SLC44A5: variants seen among roughly 807,000 people sequenced by gnomAD.
SLC44A5 encodes the protein solute carrier family 44 member 5.
A neutral mutation model predicts 101.8 loss-of-function variants in SLC44A5; 57 were observed. That is an observed-to-expected ratio of 0.56 (90% CI 0.45 to 0.70). The LOEUF (loss-of-function observed/expected upper bound fraction) is 0.70. Ranked by LOEUF, SLC44A5 falls within the 30% of genes least tolerant of loss-of-function variation. SLC44A5 has a pLI of 0.00. For missense variants in SLC44A5, 737 were observed against 853.1 expected (o/e 0.86, Z 1.70); for synonymous variants, 281 against 290.9 (o/e 0.97, Z 0.35).
At chr1:75,406,552 T>C (rs1453465740) in intron 2 of SLC44A5, among the ~76,000 whole-genome samples, 1 of 152,158 alleles carries the variant, frequency 6.6e-6, no homozygotes, top group Admixed American at 6.6e-5. Context: ...TAAGGCTGGT[T>C]CAACATATGC....
chr1:75,412,450 T>G (rs907545759), intron 2 of SLC44A5, among the ~76,000 whole-genome samples: 1 of 152,146 alleles, frequency 6.6e-6, no homozygotes, highest in African/African-American at 2.4e-5. Context: ...AGAATCCTTC[T>G]CAATACAGCA....
At chr1:75,472,131 C>T (rs1444781740) in intron 2 of SLC44A5, among the ~76,000 whole-genome samples, 1 of 149,634 alleles carries the variant, frequency 6.7e-6, no homozygotes, top group Non-Finnish European at 1.5e-5. Flanking sequence ...TTCTTCTTCT[C>T]TCAAGCCACT....
At chr1:75,348,714 A>T (rs941354764) in intron 3 of SLC44A5, among the ~76,000 whole-genome samples, 1 of 152,230 alleles carries the variant, frequency 6.6e-6, no homozygotes, top group Admixed American at 6.5e-5. Context: ...ACAAGACACC[A>T]AGAAAGAACT....
intron 2 of SLC44A5, among the ~76,000 whole-genome samples, chr1:75,468,503 G>C (rs1269478690): frequency 6.6e-6 from 1 of 152,130 alleles, no homozygotes; most frequent in East Asian, 1.9e-4. Flanking sequence ...AAGAACTAGA[G>C]CCTGTCATAT....
chr1:75,545,498 C>G (rs943389796), intron 1 of SLC44A5, among the ~76,000 whole-genome samples: 1 of 152,112 alleles, frequency 6.6e-6, no homozygotes, highest in Non-Finnish European at 1.5e-5. Flanking sequence ...GCTTTTTCAG[C>G]AGGAATACTG....
At chr1:75,723,325 A>G in the SLC44A5 span, among the ~76,000 whole-genome samples, 1 of 152,112 alleles carries the variant, frequency 6.6e-6, no homozygotes, top group African/African-American at 2.4e-5. Flanking sequence ...CCCGTTCCCA[A>G]CATCAGTAAG....
the SLC44A5 span, among the ~76,000 whole-genome samples, chr1:75,650,657 C>T: frequency 6.6e-6 from 1 of 152,330 alleles, no homozygotes; most frequent in East Asian, 1.9e-4. Context: ...GCTCCTCAGA[C>T]AAATCTTCAG....
chr1:75,514,524 C>A (rs1022396550), intron 2 of SLC44A5, among the ~76,000 whole-genome samples: 1 of 152,178 alleles, frequency 6.6e-6, no homozygotes, highest in African/African-American at 2.4e-5. Flanking sequence ...TTTTTGGACT[C>A]CTTCCCTCTA....
intron 2 of SLC44A5, among the ~76,000 whole-genome samples, chr1:75,499,604 T>A (rs546785501): frequency 6.6e-6 from 1 of 152,240 alleles, no homozygotes; most frequent in African/African-American, 2.4e-5. Flanking sequence ...AATGCATAAC[T>A]GTATTTATAA....
chr1:75,466,901 C>T (rs114189911), intron 2 of SLC44A5, among the ~76,000 whole-genome samples: 2,744 of 152,052 alleles, frequency 0.018, 46 homozygotes, highest in Non-Finnish European at 0.03. Context: ...TCAAATTGTC[C>T]TATTTGCAGA....
intron 18 of SLC44A5, 45 bp downstream of exon 18, chr1:75,217,821 C>T: frequency 7.8e-7 from 1 of 1,288,786 alleles, no homozygotes; most frequent in Non-Finnish European, 1.1e-6. Flanking sequence ...CAACCCCCAA[C>T]CCAATTTATT....
chr1:75,454,622 A>G (rs1666087066), intron 2 of SLC44A5, among the ~76,000 whole-genome samples: 1 of 152,020 alleles, frequency 6.6e-6, no homozygotes, highest in African/African-American at 2.4e-5. Flanking sequence ...AGATAATATA[A>G]TTCTATACCT....
chr1:75,647,225 A>G, the SLC44A5 span, among the ~76,000 whole-genome samples: 4 of 152,236 alleles, frequency 2.6e-5, no homozygotes, highest in Non-Finnish European at 5.9e-5. Flanking sequence ...AGAACGTTCA[A>G]GCCCCAAGCC....
intron 4 of SLC44A5, among the ~76,000 whole-genome samples, chr1:75,332,340 T>C (rs370767034): frequency 1.3e-5 from 2 of 152,222 alleles, no homozygotes; most frequent in African/African-American, 4.8e-5. Flanking sequence ...TTTAGGGACT[T>C]TGAATTTCTA....
chr1:75,627,142 G>T, the SLC44A5 span, among the ~76,000 whole-genome samples: 1 of 151,982 alleles, frequency 6.6e-6, no homozygotes, highest in South Asian at 2.1e-4. Context: ...GTGTATTACC[G>T]TAACATGTCG....
At chr1:75,435,612 C>A (rs1345336839) in intron 2 of SLC44A5, among the ~76,000 whole-genome samples, 1 of 152,102 alleles carries the variant, frequency 6.6e-6, no homozygotes, top group African/African-American at 2.4e-5. Flanking sequence ...GAGACAAAGA[C>A]CTACTTCACT....
chr1:75,677,638 T>A, the SLC44A5 span: 1 of 377,398 alleles, frequency 2.6e-6, no homozygotes, highest in Non-Finnish European at 5.1e-6. Flanking sequence ...TAATTATCAA[T>A]AATAACTGAA....
chr1:75,422,871 T>A (rs115839712), intron 2 of SLC44A5, among the ~76,000 whole-genome samples: 1,581 of 152,328 alleles, frequency 0.01, 26 homozygotes, highest in Middle Eastern at 0.024. Context: ...TACCCATAGC[T>A]GCTTTCTATT....
intron 18 of SLC44A5, among the ~76,000 whole-genome samples, chr1:75,217,107 A>AT (rs1314294250): frequency 5.3e-5 from 8 of 151,994 alleles, no homozygotes; most frequent in African/African-American, 1.4e-4. Flanking sequence ...TCTTTGATCC[A>AT]TTTTTAGTTA....
Sources: allele counts gnomAD v4.1 joint callset (sites outside exome capture counted in the v4.1 genomes callset), GRCh38; gene constraint gnomAD v4.1.1; transcripts MANE v1.5; gene names NCBI Gene and HGNC (gene_info 2026-07-23, HGNC 2026-07-21).